PIGU: variants seen among roughly 807,000 people sequenced by gnomAD.
PIGU encodes the protein GPI-anchor transamidase component PIGU.
PIGU carries 24 observed loss-of-function variants against 49.9 expected under a neutral mutation model. That is an observed-to-expected ratio of 0.48 (90% CI 0.35 to 0.68). The LOEUF (loss-of-function observed/expected upper bound fraction) is 0.68. Among genes scored for constraint, PIGU ranks in the 30% least tolerant of loss-of-function variants. The probability of loss-of-function intolerance (pLI) is 0.01; values close to 1 mark genes in which losing one functional copy is unlikely to be tolerated. For missense variants in PIGU, 490 were observed against 532.6 expected (o/e 0.92, Z 0.79); for synonymous variants, 220 against 205.7 (o/e 1.07, Z -0.59).
intron 11 of PIGU, 34 bp downstream of exon 11, chr20:34,575,070 G>C (rs762200278): frequency 7.0e-5 from 113 of 1,609,864 alleles, no homozygotes; most frequent in Non-Finnish European, 9.3e-5. Context: ...ATGAATTCCT[G>C]TCCCCAAGCT....
intron 11 of PIGU, among the ~76,000 whole-genome samples, chr20:34,573,588 A>G (rs951472991): frequency 1.3e-5 from 2 of 152,174 alleles, no homozygotes; most frequent in African/African-American, 4.8e-5. Flanking sequence ...GAGCTTGCCA[A>G]CCTCCCTAGA....
intron 3 of PIGU, 25 bp downstream of exon 3, chr20:34,645,250 C>A: frequency 6.8e-7 from 1 of 1,478,678 alleles, no homozygotes; most frequent in Non-Finnish European, 9.0e-7. Context: ...ATATACATAT[C>A]AATTTTATAT....
chr20:34,596,681 A>AT (rs1462450698), intron 7 of PIGU, among the ~76,000 whole-genome samples: 4 of 152,226 alleles, frequency 2.6e-5, no homozygotes, highest in Admixed American at 6.5e-5. Flanking sequence ...GTATAAAAAA[A>AT]AATCAGCCCT....
intron 3 of PIGU, 27 bp downstream of exon 3, chr20:34,645,248 A>G: frequency 6.6e-7 from 1 of 1,525,588 alleles, no homozygotes; most frequent in Non-Finnish European, 8.7e-7. Flanking sequence ...ATATATACAT[A>G]TCAATTTTAT....
intron 6 of PIGU, among the ~76,000 whole-genome samples, chr20:34,623,043 G>A (rs1235565050): frequency 6.6e-6 from 1 of 152,132 alleles, no homozygotes; most frequent in Non-Finnish European, 1.5e-5. Context: ...CTGGGTGGGT[G>A]GCACAGCTAC....
chr20:34,611,517 G>A (rs1219600238), intron 7 of PIGU, among the ~76,000 whole-genome samples: 4 of 151,664 alleles, frequency 2.6e-5, no homozygotes, highest in South Asian at 4.2e-4. Context: ...ATGGTGGCAC[G>A]TGCCTGCAGT....
chr20:34,603,959 C>A (rs779739952), intron 7 of PIGU, among the ~76,000 whole-genome samples: 1 of 151,624 alleles, frequency 6.6e-6, no homozygotes, highest in Non-Finnish European at 1.5e-5. Flanking sequence ...GGGACTGTGG[C>A]AATCTGAAGA....
At position 34,640,980 on chromosome 20, in the gene PIGU, G is replaced by A. The variant is rs373207484; in HGVS notation, c.319-2995C>T. Reference sequence around the variant, plus strand: ...GCGATCTCAGCTCAATGCAACCTCCGCCTCCCGGGTTCAAGTGATTCTCTT... The same window carrying A: ...GCGATCTCAGCTCAATGCAACCTCCACCTCCCGGGTTCAAGTGATTCTCTT... On this transcript the variant is annotated intron_variant, in intron 4 of 11. Coordinates refer to ENST00000217446, the MANE Select transcript of PIGU (RefSeq NM_080476.5). Among the ~76,000 whole-genome samples, 58 of 152,224 alleles carry A rather than the reference G, an allele frequency of 3.8e-4. No individual in the cohort carries two copies. The East Asian group carries it at 3.9e-3, about 10-fold the overall frequency.
intron 6 of PIGU, among the ~76,000 whole-genome samples, chr20:34,627,830 G>A (rs555888844): frequency 8.5e-5 from 13 of 152,236 alleles, no homozygotes; most frequent in African/African-American, 2.9e-4. Context: ...GGCAGGGAGA[G>A]TTCACAGACA....
intron 7 of PIGU, among the ~76,000 whole-genome samples, chr20:34,593,224 CT>C (rs1310502701): frequency 6.6e-6 from 1 of 152,002 alleles, no homozygotes; most frequent in Non-Finnish European, 1.5e-5. Flanking sequence ...GTAGTCCCAG[CT>C]ACTCCAGAGG....
At chr20:34,612,899 A>G (rs1170230127) in intron 7 of PIGU, among the ~76,000 whole-genome samples, 4 of 152,122 alleles carry the variant, frequency 2.6e-5, no homozygotes, top group African/African-American at 9.7e-5. Flanking sequence ...CTGAGATTAC[A>G]GGTGTAAGCT....
At chr20:34,584,663 C>T (rs1049497460) in intron 9 of PIGU, among the ~76,000 whole-genome samples, 4 of 151,902 alleles carry the variant, frequency 2.6e-5, no homozygotes, top group African/African-American at 7.3e-5. Flanking sequence ...GGGCACACCA[C>T]CACACCTGGC....
Position 34,585,483 on chromosome 20 carries a change from G to C in PIGU, c.880C>G (p.Gln294Glu). 1 of 1,614,066 alleles carries C rather than the reference G, an allele frequency of 6.2e-7. No homozygotes were observed. Among genetic ancestry groups the C allele is most frequent in the South Asian group, 1.1e-5 (1 of 91,084 alleles). Residue 294 changes from glutamine to glutamate, a missense_variant, in exon 9 of 12, where the codon CAG becomes GAG. Gln to Glu is a conservative substitution (Grantham distance 29, BLOSUM62 2). Coordinates refer to ENST00000217446, the MANE Select transcript of PIGU (RefSeq NM_080476.5). ...ATGGTGTAGAAGAAGACGTTGATCT[G>C]AAACACACATACAAAGAAGAGGCTG... Reference protein sequence around the residue: ...HFSLFFVCVFQINVFFYTIPL... With the variant: ...HFSLFFVCVFEINVFFYTIPL...
At chr20:34,567,802 CCTCTCTCTCTCTCT>C (rs11467880) in intron 11 of PIGU, among the ~76,000 whole-genome samples, 3 of 144,518 alleles carry the variant, frequency 2.1e-5, no homozygotes, top group Non-Finnish European at 4.5e-5. Context: ...CCTCCTTCCT[CCTCTCTCTCTCTCT>C]CTCTCTCTCT....
chr20:34,662,356 C>T (rs1986953463), intron 1 of PIGU, among the ~76,000 whole-genome samples: 1 of 149,988 alleles, frequency 6.7e-6, no homozygotes, highest in Admixed American at 6.7e-5. Flanking sequence ...TACAGTGGTG[C>T]TGGAATTACA....
chr20:34,665,213 T>C (rs939182208), intron 1 of PIGU, among the ~76,000 whole-genome samples: 1 of 124,744 alleles, frequency 8.0e-6, no homozygotes, highest in Non-Finnish European at 1.7e-5. Flanking sequence ...TTTTTTTTTT[T>C]TTTTTTTTGA....
chr20:34,585,637 T>G, intron 8 of PIGU, 57 bp from the exon 9 acceptor site: 1 of 1,573,032 alleles, frequency 6.4e-7, no homozygotes, highest in Non-Finnish European at 8.7e-7. Context: ...ATTGTCTGCT[T>G]TGACCTTGAT....
chr20:34,562,345 G>T, intron 11 of PIGU: 1 of 1,148,538 alleles, frequency 8.7e-7, no homozygotes, highest in Non-Finnish European at 1.1e-6. Flanking sequence ...CTGAGGCACA[G>T]AGCACTTGGC....
intron 6 of PIGU, among the ~76,000 whole-genome samples, chr20:34,618,218 C>T (rs1454224736): frequency 1.4e-4 from 21 of 152,104 alleles, no homozygotes; most frequent in Admixed American, 1.4e-3. Context: ...TTTAAACTTT[C>T]TAAAATGAAC....
Sources: gnomAD v4.1 joint callset for allele counts (sites outside exome capture counted in the v4.1 genomes callset) on GRCh38, gnomAD v4.1.1 for gene constraint, MANE v1.5 for transcripts, NCBI Gene and HGNC (gene_info 2026-07-23, HGNC 2026-07-21) for gene names.